WWOX: variants seen among roughly 807,000 people sequenced by gnomAD.
WWOX encodes WW domain-containing oxidoreductase.
In WWOX, 69 loss-of-function variants were observed where a neutral mutation model predicts 46.2. That is an observed-to-expected ratio of 1.49 (90% CI 1.23 to 1.82). The LOEUF is 1.82. WWOX is among the 40% of genes most tolerant of loss of function. The pLI, the probability that WWOX is intolerant of heterozygous loss-of-function variation, is 0.00. For synonymous variants in WWOX, 359 were observed against 202.6 expected (o/e 1.77, Z -6.56); for missense variants, 919 against 542.6 (o/e 1.69, Z -6.89).
rs73574941 is a variant in WWOX at position 78,466,506 on chromosome 16, A to G, written c.1056+33754A>G. ...CACATAAGGAGACATATTTTGATAC[A>G]TGTGGCATATTAAGCTGCTGTTGTT... On this transcript the variant is annotated intron_variant, in intron 8 of 8. Coordinates refer to ENST00000566780, the MANE Select transcript of WWOX (RefSeq NM_016373.4). Among the ~76,000 whole-genome samples the G allele has an allele frequency of 1.4e-3, 208 of 152,210 alleles. 1 individual carries two copies. Among genetic ancestry groups the G allele is most frequent in the African/African-American group, 4.8e-3 (200 of 41,554 alleles).
chr16:79,096,413 C>G (rs2049074994), intron 8 of WWOX, among the ~76,000 whole-genome samples: 2 of 152,112 alleles, frequency 1.3e-5, no homozygotes, highest in African/African-American at 4.8e-5. Context: ...CTTCCCCCTG[C>G]TCACTGGGTT....
At chr16:78,929,899 A>T (rs778947301) in intron 8 of WWOX, among the ~76,000 whole-genome samples, 2 of 152,102 alleles carry the variant, frequency 1.3e-5, no homozygotes, top group Non-Finnish European at 2.9e-5. Flanking sequence ...TCTTTCTTAG[A>T]AGCAGAATTT....
chr16:79,144,192 A>G (rs926371017), intron 8 of WWOX, among the ~76,000 whole-genome samples: 3 of 152,312 alleles, frequency 2.0e-5, no homozygotes, highest in African/African-American at 7.2e-5. Context: ...GAGCCACTGC[A>G]CACAGCCAAG....
chr16:78,637,636 G>T (rs556700551), intron 8 of WWOX, among the ~76,000 whole-genome samples: 13 of 152,278 alleles, frequency 8.5e-5, no homozygotes, highest in Admixed American at 7.8e-4. Context: ...ATAAAAGAAG[G>T]AAGGGCTGGA....
intron 8 of WWOX, among the ~76,000 whole-genome samples, chr16:78,675,296 TG>T: frequency 6.6e-6 from 1 of 152,172 alleles, no homozygotes; most frequent in East Asian, 1.9e-4. Context: ...CAGCTGTAAT[TG>T]AGACAAGAAC....
At chr16:78,665,967 G>C (rs551735438) in intron 8 of WWOX, among the ~76,000 whole-genome samples, 1 of 151,962 alleles carries the variant, frequency 6.6e-6, no homozygotes, top group East Asian at 2.0e-4. Flanking sequence ...TTACAGACGT[G>C]AGCCGCTGCG....
intron 5 of WWOX, among the ~76,000 whole-genome samples, chr16:78,334,853 C>T (rs1236485946): frequency 7.2e-6 from 1 of 139,460 alleles, no homozygotes; most frequent in Non-Finnish European, 1.5e-5. Flanking sequence ...CACACACACA[C>T]ACAAAATCAC....
chr16:79,094,675 G>T (rs1359186161), intron 8 of WWOX, among the ~76,000 whole-genome samples: 6 of 151,282 alleles, frequency 4.0e-5, no homozygotes, highest in Non-Finnish European at 8.8e-5. Flanking sequence ...TAGAAGTTTT[G>T]GTATAAAATA....
At chr16:78,667,452 C>G (rs1022207791) in intron 8 of WWOX, among the ~76,000 whole-genome samples, 2 of 151,674 alleles carry the variant, frequency 1.3e-5, no homozygotes, top group Non-Finnish European at 2.9e-5. Context: ...GGGTGGATCA[C>G]AAGGTCAGGA....
intron 5 of WWOX, among the ~76,000 whole-genome samples, chr16:78,385,680 C>T (rs1345895409): frequency 5.3e-5 from 8 of 152,184 alleles, no homozygotes; most frequent in Admixed American, 3.9e-4. Context: ...AGAGGATGTT[C>T]TCAGCAGTGC....
chr16:78,366,036 A>G (rs955831357), intron 5 of WWOX, among the ~76,000 whole-genome samples: 1 of 152,208 alleles, frequency 6.6e-6, no homozygotes, highest in African/African-American at 2.4e-5. Flanking sequence ...CTGGTTAATC[A>G]GGGAATACAT....
chr16:78,101,601 A>T (rs1202144937), intron 1 of WWOX, among the ~76,000 whole-genome samples: 1 of 152,098 alleles, frequency 6.6e-6, no homozygotes, highest in East Asian at 1.9e-4. Context: ...CATTACAGAC[A>T]GGAGCCACTG....
intron 5 of WWOX, among the ~76,000 whole-genome samples, chr16:78,262,292 T>C (rs2079262715): frequency 6.6e-6 from 1 of 152,154 alleles, no homozygotes; most frequent in Non-Finnish European, 1.5e-5. Context: ...ATAGAGAGCA[T>C]TCTGTTAGAT....
intron 8 of WWOX, among the ~76,000 whole-genome samples, chr16:78,895,034 C>G (rs894114684): frequency 2.6e-5 from 4 of 152,298 alleles, no homozygotes; most frequent in Admixed American, 2.0e-4. Flanking sequence ...TACGAGAACT[C>G]TATGTCTTAT....
At chr16:78,772,352 T>A (rs984406077) in intron 8 of WWOX, among the ~76,000 whole-genome samples, 1 of 152,214 alleles carries the variant, frequency 6.6e-6, no homozygotes, top group Admixed American at 6.5e-5. Flanking sequence ...CCCGTCCGTG[T>A]TCTCGCAGAA....
intron 8 of WWOX, among the ~76,000 whole-genome samples, chr16:79,112,434 C>G (rs1349964104): frequency 6.6e-6 from 1 of 152,120 alleles, no homozygotes; most frequent in Non-Finnish European, 1.5e-5. Flanking sequence ...CAGGAATATC[C>G]ATCCATCTGG....
intron 8 of WWOX, among the ~76,000 whole-genome samples, chr16:78,576,107 C>T (rs1010669957): frequency 1.3e-5 from 2 of 151,968 alleles, no homozygotes; most frequent in African/African-American, 2.4e-5. Context: ...CTGACAGTTT[C>T]CCTCTTACCG....
intron 8 of WWOX, among the ~76,000 whole-genome samples, chr16:78,593,673 C>G (rs927892269): frequency 2.6e-5 from 4 of 151,906 alleles, no homozygotes; most frequent in Admixed American, 1.3e-4. Context: ...GGTGATCCTG[C>G]TGCTTGGCAG....
chr16:78,740,808 G>C (rs571151801), intron 8 of WWOX, among the ~76,000 whole-genome samples: 1 of 152,268 alleles, frequency 6.6e-6, no homozygotes, highest in Non-Finnish European at 1.5e-5. Flanking sequence ...GTGTGCATGA[G>C]CGTGTCTTAG....
Sources: gnomAD v4.1 joint callset for allele counts (sites outside exome capture counted in the v4.1 genomes callset) on GRCh38, gnomAD v4.1.1 for gene constraint, MANE v1.5 for transcripts, NCBI Gene and HGNC (gene_info 2026-07-23, HGNC 2026-07-21) for gene names.